ANKRD62: variants seen among roughly 807,000 people sequenced by gnomAD.
ANKRD62 encodes the protein ankyrin repeat domain-containing protein 62.
Under a neutral mutation model 98.8 loss-of-function variants are expected in ANKRD62, and 61 were observed. That is an observed-to-expected ratio of 0.62 (90% CI 0.50 to 0.76). ANKRD62 has a LOEUF of 0.76. Among genes scored for constraint, ANKRD62 ranks in the 30% least tolerant of loss-of-function variants. The pLI, the probability that ANKRD62 is intolerant of heterozygous loss-of-function variation, is 0.00. For synonymous variants in ANKRD62, 341 were observed against 367.9 expected (o/e 0.93, Z 0.84); for missense variants, 933 against 1,082.9 (o/e 0.86, Z 1.94).
At chr18:12,167,724 A>G in the ANKRD62 span, among the ~76,000 whole-genome samples, 2 of 152,180 alleles carry the variant, frequency 1.3e-5, no homozygotes, top group African/African-American at 2.4e-5. Flanking sequence ...GTCTTCCACA[A>G]TGGTTGAACT....
the ANKRD62 span, among the ~76,000 whole-genome samples, chr18:12,136,526 G>A: frequency 4.7e-4 from 72 of 152,274 alleles, no homozygotes; most frequent in African/African-American, 1.7e-3. Context: ...TGGCGATGCG[G>A]GCTCTTTTTT....
chr18:12,100,313 G>T (rs1909273066), intron 6 of ANKRD62, among the ~76,000 whole-genome samples: 1 of 152,118 alleles, frequency 6.6e-6, no homozygotes, highest in Non-Finnish European at 1.5e-5. Context: ...AATGAAGAAA[G>T]AATATATTTT....
At chr18:12,155,946 C>A in the ANKRD62 span, among the ~76,000 whole-genome samples, 14 of 152,096 alleles carry the variant, frequency 9.2e-5, no homozygotes, top group Admixed American at 9.2e-4. Flanking sequence ...GAAATGTGAT[C>A]GCCAGTGTTG....
At position 12,128,099 on chromosome 18, in the gene ANKRD62, C is replaced by G. The variant is rs1215816021; in HGVS notation, c.*160C>G. 1.3e-5 allele frequency: 5 copies of G among 383,744 alleles called. No homozygotes were observed. Among genetic ancestry groups the G allele is most frequent in the Non-Finnish European group, 2.2e-5 (5 of 231,806 alleles). 23.8% of individuals were successfully genotyped at this position (383,744 alleles called of 1,614,324 possible). On this transcript the variant is annotated 3_prime_UTR_variant, in exon 14 of 14. Coordinates refer to ENST00000587848, the MANE Select transcript of ANKRD62 (RefSeq NM_001277333.2). ...TATAATTATAAATATTTTTCTTACA[C>G]TATTTCCCCTTATGAAAGTTGAGAA... is the stretch of plus-strand genomic sequence containing the variant.
At chr18:12,138,064 T>C in the ANKRD62 span, among the ~76,000 whole-genome samples, 2 of 152,186 alleles carry the variant, frequency 1.3e-5, no homozygotes, top group Non-Finnish European at 2.9e-5. Context: ...GCTCTGATCT[T>C]AGTTATTTCT....
In ANKRD62 at chr18:12,125,922, A is replaced by C; in HGVS notation, c.2101A>C (p.Ile701Leu). The C allele has an allele frequency of 5.8e-6, 9 of 1,539,394 alleles. No individual in the cohort carries two copies. Among genetic ancestry groups the C allele is most frequent in the Non-Finnish European group, 7.8e-6 (9 of 1,146,956 alleles). ...AGAAGACACTAATTCTCACATTCAG[A>C]TTCTTTCTCAGCAACTTTCTAAAGC... ...LQEDTNSHIQ[I>L]LSQQLSKAES... Residue 701 changes from isoleucine to leucine, a missense_variant, in exon 13 of 14, where the codon ATT becomes CTT. By Grantham distance (5) the Ile-to-Leu change is conservative. Around this residue, in one of 3 missense-constraint regions of ANKRD62, gnomAD observed 362 missense variants for 434.5 expected, o/e 0.83. Transcript: ENST00000587848.
At chr18:12,152,635 G>T in the ANKRD62 span, among the ~76,000 whole-genome samples, 2 of 152,114 alleles carry the variant, frequency 1.3e-5, no homozygotes, top group Non-Finnish European at 2.9e-5. Flanking sequence ...ATACTGAATG[G>T]GCAAAAGCTG....
intron 10 of ANKRD62, among the ~76,000 whole-genome samples, chr18:12,118,846 G>GT (rs71172052): frequency 5.3e-5 from 8 of 151,888 alleles, no homozygotes; most frequent in East Asian, 1.9e-4. Flanking sequence ...TCATGAGGGA[G>GT]TTTTTTTTAT....
intron 5 of ANKRD62, chr18:12,098,317 T>C (rs2143894808): frequency 6.6e-6 from 1 of 152,438 alleles, no homozygotes; most frequent in African/African-American, 2.4e-5. Flanking sequence ...AAATATTACC[T>C]CATAGGAAGC....
At chr18:12,140,573 C>T in the ANKRD62 span, among the ~76,000 whole-genome samples, 1 of 152,306 alleles carries the variant, frequency 6.6e-6, no homozygotes, top group Non-Finnish European at 1.5e-5. Context: ...ACAGTCAGGA[C>T]CCTCAGCTGC....
At chr18:12,152,095 A>G in the ANKRD62 span, among the ~76,000 whole-genome samples, 1 of 149,528 alleles carries the variant, frequency 6.7e-6, no homozygotes, top group Non-Finnish European at 1.5e-5. Context: ...AAAAAAAAAA[A>G]GGCCCAGGAC....
At chr18:12,121,156 C>A (rs1909774206) in intron 10 of ANKRD62, among the ~76,000 whole-genome samples, 1 of 152,172 alleles carries the variant, frequency 6.6e-6, no homozygotes, top group Non-Finnish European at 1.5e-5. Context: ...ATTTACATTT[C>A]TGCAAGTGTG....
chr18:12,109,868 T>A (rs915730276), intron 8 of ANKRD62, among the ~76,000 whole-genome samples: 1 of 151,086 alleles, frequency 6.6e-6, no homozygotes, highest in Admixed American at 6.6e-5. Context: ...TGTCACTCTG[T>A]CACTCGATAA....
At chr18:12,140,184 G>A in the ANKRD62 span, among the ~76,000 whole-genome samples, 1 of 152,170 alleles carries the variant, frequency 6.6e-6, no homozygotes, top group Non-Finnish European at 1.5e-5. Context: ...TCGTGCCTTG[G>A]TTTTCAGCTC....
At chr18:12,150,147 T>C in the ANKRD62 span, among the ~76,000 whole-genome samples, 1 of 151,910 alleles carries the variant, frequency 6.6e-6, no homozygotes, top group South Asian at 2.1e-4. Flanking sequence ...AATACAAGAA[T>C]TTCACAATGC....
the ANKRD62 span, among the ~76,000 whole-genome samples, chr18:12,136,284 C>G: frequency 0.036 from 5,463 of 151,906 alleles, 327 homozygotes; most frequent in African/African-American, 0.12. Flanking sequence ...TTCCCAGCAC[C>G]ATTTATTAAA....
chr18:12,093,951 A>T lies in ANKRD62; in HGVS notation c.-67A>T. On this transcript the variant is annotated 5_prime_UTR_variant, in exon 1 of 14. Transcript: ENST00000587848. ...CTGGTGCTGCGCTCCAGAGAGGCAG[A>T]AAACGAGTGGGAGCTGAGGTGTCTT... 1 of 1,480,752 alleles carries T rather than the reference A, an allele frequency of 6.8e-7. No individual in the cohort carries two copies. The highest frequency in any genetic ancestry group is 9.1e-7 in the Non-Finnish European group (1 of 1,099,804). 91.7% of individuals were successfully genotyped at this position (1,480,752 alleles called of 1,614,324 possible).
At chr18:12,175,463 C>A in the ANKRD62 span, among the ~76,000 whole-genome samples, 1 of 152,006 alleles carries the variant, frequency 6.6e-6, no homozygotes, top group African/African-American at 2.4e-5. Flanking sequence ...AAGCAAAACC[C>A]GTCCCCACAG....
chr18:12,146,769 G>A, the ANKRD62 span, among the ~76,000 whole-genome samples: 2 of 152,308 alleles, frequency 1.3e-5, no homozygotes, highest in Non-Finnish European at 2.9e-5. Context: ...AAAGTGGGCT[G>A]CCGATCCTGT....
Sources: gnomAD v4.1 joint callset for allele counts (sites outside exome capture counted in the v4.1 genomes callset) on GRCh38, gnomAD v4.1.1 for gene constraint, gnomAD v4.1.1 regional missense constraint, MANE v1.5 for transcripts, NCBI Gene and HGNC (gene_info 2026-07-23, HGNC 2026-07-21) for gene names.